CAMK4: variants seen among roughly 807,000 people sequenced by gnomAD.
CAMK4 encodes calcium/calmodulin-dependent protein kinase type IV.
In CAMK4, 22 loss-of-function variants were observed where a neutral mutation model predicts 44.9. The observed-to-expected ratio is 0.49, with a 90% confidence interval of 0.35 to 0.70. The LOEUF (loss-of-function observed/expected upper bound fraction) is 0.70, where lower values mean the gene tolerates loss of function less well. Ranked by LOEUF, CAMK4 falls within the 30% of genes least tolerant of loss-of-function variation. The probability of loss-of-function intolerance (pLI) is 0.01; values close to 1 mark genes in which losing one functional copy is unlikely to be tolerated. For missense variants in CAMK4, 498 were observed against 586.8 expected (o/e 0.85, Z 1.56); for synonymous variants, 218 against 215.4 (o/e 1.01, Z -0.11).
At chr5:111,224,024 C>G (rs1748037622), upstream of CAMK4, 1 of 161,772 alleles carries the variant, frequency 6.2e-6, no homozygotes, top group Non-Finnish European at 1.3e-5. The surrounding 1 kb of genome is among the most constrained non-coding windows in gnomAD (Gnocchi z 5.7). Context: ...CACGGTCTCC[C>G]TCCAGCTCCG....
chr5:111,401,530 C>A (rs1419521865), intron 5 of CAMK4, among the ~76,000 whole-genome samples: 19 of 151,472 alleles, frequency 1.3e-4, no homozygotes, highest in Admixed American at 1.2e-3. Context: ...ATCTGAGCAT[C>A]AAAAAAAATA....
In CAMK4 at chr5:111,449,073, T is replaced by A. The variant is rs147374569; in HGVS notation, c.551-56T>A. On this transcript the variant is annotated intron_variant, in intron 6 of 10. Coordinates refer to ENST00000282356, the MANE Select transcript of CAMK4 (RefSeq NM_001744.6). ...AGTTTTATTTTTGAATAACAAATAT[T>A]TTGTCATAAAAGCTGAGAAGACGTG... The A allele has an allele frequency of 5.1e-4, 395 of 775,648 alleles. No individual in the cohort carries two copies. In the African/African-American group the frequency reaches 6.3e-3, roughly 12 times the overall value. The allele number at this position is 775,648 out of a possible 1,614,324, so 48.0% of individuals were successfully genotyped here. A position where few individuals can be genotyped will look rare whatever the true frequency, so the allele number is the denominator to read the frequency against.
intron 1 of CAMK4, among the ~76,000 whole-genome samples, chr5:111,243,584 C>G (rs1311793507): frequency 6.6e-6 from 1 of 152,162 alleles, no homozygotes; most frequent in Non-Finnish European, 1.5e-5. Flanking sequence ...CTGAGTTAAC[C>G]TAACTGGAAA....
Position 111,494,417 on chromosome 5 carries a change from T to C in CAMK4, c.*9951T>C, listed in dbSNP as rs571665184. On this transcript the variant is annotated 3_prime_UTR_variant, in exon 11 of 11. Coordinates refer to ENST00000282356, the MANE Select transcript of CAMK4 (RefSeq NM_001744.6). ...ATTAAGTCTGGCCTGGGCATAAATG[T>C]ACATACAGAAAATGTTTGTAGAGAA... 1 of 152,326 alleles carries C rather than the reference T, an allele frequency of 6.6e-6. No homozygotes were observed. The highest frequency in any genetic ancestry group is 1.9e-4 in the East Asian group (1 of 5,176). The allele number at this position is 152,326 out of a possible 1,614,324, so 9.4% of individuals were successfully genotyped here.
At chr5:111,352,028 A>G (rs943132998) in intron 2 of CAMK4, among the ~76,000 whole-genome samples, 1 of 152,048 alleles carries the variant, frequency 6.6e-6, no homozygotes, top group Non-Finnish European at 1.5e-5. Context: ...TCTTCATATA[A>G]GCGTGCTAAT....
At chr5:111,442,992 T>A (rs1014269246) in intron 5 of CAMK4, among the ~76,000 whole-genome samples, 3 of 149,602 alleles carry the variant, frequency 2.0e-5, no homozygotes, top group Non-Finnish European at 4.4e-5. Context: ...TTTTTTTGAA[T>A]ATAAAGGGTT....
chr5:111,252,301 A>T (rs552771590), intron 1 of CAMK4, among the ~76,000 whole-genome samples: 1 of 152,330 alleles, frequency 6.6e-6, no homozygotes, highest in Non-Finnish European at 1.5e-5. Flanking sequence ...CTAGAGATAC[A>T]GGGCTCTTGC....
At chr5:111,469,285 A>C (rs1391753989) in intron 7 of CAMK4, among the ~76,000 whole-genome samples, 1 of 149,346 alleles carries the variant, frequency 6.7e-6, no homozygotes, top group African/African-American at 2.5e-5. Context: ...ATGATTTTCA[A>C]AATAAGTTAT....
At chr5:111,463,304 G>A (rs1441858802) in intron 7 of CAMK4, among the ~76,000 whole-genome samples, 1 of 152,294 alleles carries the variant, frequency 6.6e-6, no homozygotes, top group Admixed American at 6.5e-5. Context: ...AGGGCGCAAA[G>A]GGCATGAATA....
intron 1 of CAMK4, among the ~76,000 whole-genome samples, chr5:111,243,094 T>C (rs888369695): frequency 6.6e-6 from 1 of 152,190 alleles, no homozygotes; most frequent in African/African-American, 2.4e-5. Flanking sequence ...CAATGACTTG[T>C]AGTAAAGCAC....
upstream of CAMK4, chr5:111,224,154 G>C (rs1365847550): frequency 4.5e-6 from 1 of 223,922 alleles, no homozygotes; most frequent in Non-Finnish European, 8.5e-6. This position sits in a 1 kb window ranked among gnomAD's most constrained non-coding sequence, Gnocchi z 5.7. Context: ...AGAAAGGAAA[G>C]AGGGAGGGCG....
rs141005237 is a variant in CAMK4, at chr5:111,344,885, C to A, written c.240+783C>A. ...TAATGCCCTACTTGGATTTTGTGTT[C>A]TTATGCAGTTTCTACTCATAAAACC... is the stretch of plus-strand genomic sequence containing the variant. On this transcript the variant is annotated intron_variant, in intron 2 of 10. Coordinates refer to ENST00000282356, the MANE Select transcript of CAMK4 (RefSeq NM_001744.6). Among the ~76,000 whole-genome samples the A allele has an allele frequency of 1.9e-3, 286 of 151,802 alleles. 1 individual carries two copies. Among genetic ancestry groups the A allele is most frequent in the African/African-American group, 6.6e-3 (272 of 41,456 alleles).
At chr5:111,481,248 A>G (rs1755424261) in intron 9 of CAMK4, among the ~76,000 whole-genome samples, 1 of 152,230 alleles carries the variant, frequency 6.6e-6, no homozygotes, top group African/African-American at 2.4e-5. Context: ...GAAAAGAAAA[A>G]GAAAATACCT....
chr5:111,273,316 C>T (rs965870554), intron 1 of CAMK4, among the ~76,000 whole-genome samples: 1 of 151,846 alleles, frequency 6.6e-6, no homozygotes, highest in Admixed American at 6.6e-5. Context: ...TAAGCACATA[C>T]ACACACATTC....
At chr5:111,334,639 A>G (rs186463430) in intron 1 of CAMK4, among the ~76,000 whole-genome samples, 120 of 151,710 alleles carry the variant, frequency 7.9e-4, no homozygotes, top group Non-Finnish European at 1.2e-3. Flanking sequence ...CAATCATGTA[A>G]GAGTAATGTG....
chr5:111,305,800 A>G (rs1254621414), intron 1 of CAMK4, among the ~76,000 whole-genome samples: 4 of 134,898 alleles, frequency 3.0e-5, no homozygotes, highest in Non-Finnish European at 6.3e-5. Flanking sequence ...ACCAAAAAAG[A>G]GAATTTTAGA....
intron 2 of CAMK4, among the ~76,000 whole-genome samples, chr5:111,367,398 T>A (rs915926250): frequency 6.6e-6 from 1 of 151,976 alleles, no homozygotes; most frequent in Non-Finnish European, 1.5e-5. Context: ...CTCTTAATAC[T>A]GATACAATGG....
chr5:111,325,040 C>G (rs905152953), intron 1 of CAMK4, among the ~76,000 whole-genome samples: 1 of 151,810 alleles, frequency 6.6e-6, no homozygotes, highest in Non-Finnish European at 1.5e-5. Flanking sequence ...TGATGTTCCC[C>G]TCCCTGTGTC....
At chr5:111,431,422 G>T (rs191252510) in intron 5 of CAMK4, among the ~76,000 whole-genome samples, 60 of 152,118 alleles carry the variant, frequency 3.9e-4, no homozygotes, top group African/African-American at 1.3e-3. Context: ...AAGAAAACAT[G>T]GGGAAAATCT....
Sources: gnomAD v4.1 joint callset for allele counts (sites outside exome capture counted in the v4.1 genomes callset) on GRCh38, gnomAD v4.1.1 for gene constraint, Gnocchi (gnomAD v3.1) non-coding constraint, MANE v1.5 for transcripts, NCBI Gene and HGNC (gene_info 2026-07-23, HGNC 2026-07-21) for gene names.